The following NEGR1 variants were observed in gnomAD, a reference collection of about 807,000 sequenced individuals.
NEGR1 encodes the protein neuronal growth regulator 1.
Under a neutral mutation model 40.9 loss-of-function variants are expected in NEGR1, and 10 were observed. The observed-to-expected ratio is 0.24, with a 90% confidence interval of 0.15 to 0.42. The LOEUF (loss-of-function observed/expected upper bound fraction) is 0.42. Among genes scored for constraint, NEGR1 ranks in the 10% least tolerant of loss-of-function variants. The pLI is 1.00. For missense variants in NEGR1, 352 were observed against 438.9 expected (o/e 0.80, Z 1.77); for synonymous variants, 185 against 166.8 (o/e 1.11, Z -0.84).
intron 1 of NEGR1, among the ~76,000 whole-genome samples, chr1:72,220,727 G>A (rs1653985227): frequency 6.6e-6 from 1 of 151,928 alleles, no homozygotes. Flanking sequence ...AATTATTTAG[G>A]ACTTTGTAGG....
intron 3 of NEGR1, among the ~76,000 whole-genome samples, chr1:71,722,025 G>A (rs915309591): frequency 6.6e-6 from 1 of 152,082 alleles, no homozygotes; most frequent in Non-Finnish European, 1.5e-5. Context: ...ATTTTAACTA[G>A]GGTAAGACGT....
chr1:72,124,334 C>G (rs1376067110), intron 1 of NEGR1, among the ~76,000 whole-genome samples: 1 of 151,718 alleles, frequency 6.6e-6, no homozygotes, highest in Non-Finnish European at 1.5e-5. Context: ...CTATTATGGC[C>G]CTGCTTACCC....
intron 1 of NEGR1, among the ~76,000 whole-genome samples, chr1:72,065,210 C>A (rs1647244289): frequency 6.6e-6 from 1 of 152,034 alleles, no homozygotes; most frequent in African/African-American, 2.4e-5. Context: ...ATATTTTGCA[C>A]ACTGTATTAT....
chr1:71,449,016 G>A (rs1391208788), intron 6 of NEGR1, among the ~76,000 whole-genome samples: 1 of 152,158 alleles, frequency 6.6e-6, no homozygotes, highest in African/African-American at 2.4e-5. Context: ...TGGTATGAGA[G>A]CACATTGCTT....
intron 1 of NEGR1, among the ~76,000 whole-genome samples, chr1:71,938,966 C>T (rs1474284037): frequency 1.3e-5 from 2 of 152,068 alleles, no homozygotes; most frequent in Admixed American, 1.3e-4. Context: ...TCCAGGCCTT[C>T]TATTTAATTC....
At chr1:71,900,482 T>C (rs1661114444) in intron 2 of NEGR1, among the ~76,000 whole-genome samples, 1 of 152,150 alleles carries the variant, frequency 6.6e-6, no homozygotes, top group African/African-American at 2.4e-5. Context: ...TTTAGTTTTT[T>C]GAAAAAAGAA....
At chr1:71,578,875 A>T (rs753633742) in intron 6 of NEGR1, among the ~76,000 whole-genome samples, 4 of 152,214 alleles carry the variant, frequency 2.6e-5, no homozygotes, top group Admixed American at 6.5e-5. Context: ...TGGCACAAGC[A>T]TATCTGATTT....
At chr1:71,876,499 C>T (rs970932695) in intron 2 of NEGR1, among the ~76,000 whole-genome samples, 5 of 150,382 alleles carry the variant, frequency 3.3e-5, no homozygotes, top group Non-Finnish European at 7.4e-5. Flanking sequence ...GAGTGAGACC[C>T]TGTCTGAAAA....
At chr1:71,772,173 T>G (rs1656352103) in intron 3 of NEGR1, among the ~76,000 whole-genome samples, 1 of 151,952 alleles carries the variant, frequency 6.6e-6, no homozygotes, top group African/African-American at 2.4e-5. Flanking sequence ...TGAGAAAATA[T>G]GAGACAACCC....
chr1:71,610,435 G>A (rs370644760), intron 5 of NEGR1, among the ~76,000 whole-genome samples: 46 of 152,154 alleles, frequency 3.0e-4, no homozygotes, highest in African/African-American at 1.1e-3. Flanking sequence ...CTCTTGCCAA[G>A]GTTTTTGGGT....
At chr1:72,120,804 T>C (rs983136716) in intron 1 of NEGR1, among the ~76,000 whole-genome samples, 15 of 152,046 alleles carry the variant, frequency 9.9e-5, no homozygotes, top group African/African-American at 3.6e-4. Flanking sequence ...CTATTATAAA[T>C]TCATTCATTG....
chr1:71,746,442 G>A (rs970104151), intron 3 of NEGR1, among the ~76,000 whole-genome samples: 1 of 152,108 alleles, frequency 6.6e-6, no homozygotes, highest in Non-Finnish European at 1.5e-5. Flanking sequence ...AGATTATCTG[G>A]TTATAACTGA....
rs146094715 is a variant in NEGR1 at position 71,830,800 on chromosome 1, C to T, written c.410-54503G>A. 2.0e-4 allele frequency among the ~76,000 whole-genome samples: 31 copies of T among 151,924 alleles called. No individual in the cohort carries two copies. The Middle Eastern group carries it at 0.014, about 67-fold the overall frequency. On this transcript the variant is annotated intron_variant, in intron 2 of 6. Coordinates refer to ENST00000357731, the MANE Select transcript of NEGR1 (RefSeq NM_173808.3). ...TTTTAGTTGTTATAATTCAATCATT[C>T]GTTCAGTAGATATTCACTTAGTATT...
At chr1:71,779,731 C>A (rs568783471) in intron 2 of NEGR1, among the ~76,000 whole-genome samples, 32 of 151,898 alleles carry the variant, frequency 2.1e-4, no homozygotes, top group Non-Finnish European at 4.4e-4. Flanking sequence ...CTGCGCCCAG[C>A]TAATTTTCAT....
At chr1:71,747,832 C>CT (rs5775088) in intron 3 of NEGR1, among the ~76,000 whole-genome samples, 124,969 of 145,496 alleles carry the variant, frequency 0.86, 55,094 homozygotes, top group Non-Finnish European at 0.96. Flanking sequence ...CATCCTTCAC[C>CT]TTTTTTTTTT....
At chr1:71,782,498 G>T (rs557624206) in intron 2 of NEGR1, among the ~76,000 whole-genome samples, 2 of 152,068 alleles carry the variant, frequency 1.3e-5, no homozygotes, top group South Asian at 4.2e-4. Flanking sequence ...ATTATCATTG[G>T]TATTTATTTC....
At chr1:71,783,270 T>C (rs149337363) in intron 2 of NEGR1, among the ~76,000 whole-genome samples, 45 of 152,236 alleles carry the variant, frequency 3.0e-4, no homozygotes, top group African/African-American at 1.0e-3. Context: ...GGGCTGGCAC[T>C]CCTCTTTTCA....
intron 1 of NEGR1, among the ~76,000 whole-genome samples, chr1:72,103,179 G>A (rs775153563): frequency 7.2e-5 from 11 of 151,982 alleles, no homozygotes; most frequent in Non-Finnish European, 1.5e-4. Flanking sequence ...TAACTCTACT[G>A]ATCATGGACA....
chr1:72,164,339 G>A (rs937120456), intron 1 of NEGR1, among the ~76,000 whole-genome samples: 7 of 151,642 alleles, frequency 4.6e-5, no homozygotes, highest in Non-Finnish European at 8.8e-5. Flanking sequence ...GATAGAAGCA[G>A]GAATATAGTC....
Sources: allele counts gnomAD v4.1 joint callset (sites outside exome capture counted in the v4.1 genomes callset), GRCh38; gene constraint gnomAD v4.1.1; transcripts MANE v1.5; gene names NCBI Gene and HGNC (gene_info 2026-07-23, HGNC 2026-07-21).